RARB: variants seen among roughly 807,000 people sequenced by gnomAD.
RARB encodes retinoic acid receptor beta, also known as HBV-activated protein.
In RARB, 17 loss-of-function variants were observed where a neutral mutation model predicts 51.9. The observed-to-expected ratio is 0.33, with a 90% confidence interval of 0.22 to 0.49. RARB has a LOEUF of 0.49. Among genes scored for constraint, RARB ranks in the 20% least tolerant of loss-of-function variants. RARB has a pLI of 0.99. For synonymous variants in RARB, 215 were observed against 195.4 expected, an observed-to-expected ratio of 1.10 and a Z score of -0.84; for missense variants, 369 against 550.8, an observed-to-expected ratio of 0.67 and a Z score of 3.30.
chr3:25,352,650 T>C (rs1705610226), intron 5 of RARB, among the ~76,000 whole-genome samples: 1 of 152,226 alleles, frequency 6.6e-6, no homozygotes, highest in Admixed American at 6.5e-5. Context: ...TGCTCATTTT[T>C]CTCAAAATGG....
intron 2 of RARB, among the ~76,000 whole-genome samples, chr3:25,461,605 A>T (rs1425027122): frequency 1.3e-5 from 2 of 152,172 alleles, no homozygotes; most frequent in Non-Finnish European, 2.9e-5. Flanking sequence ...GATAATAAGA[A>T]CTGGCTAGGC....
chr3:25,421,758 T>C lies in RARB; in HGVS notation c.179-39435T>C, dbSNP rs185170502. On this transcript the variant is annotated intron_variant, in intron 5 of 11. Transcript: ENST00000383772. ...TACCTCATTTAATCTTTACCACAAC[T>C]CTTTGACGTAGGTACCATTAATATT... is the stretch of plus-strand genomic sequence containing the variant. Among the ~76,000 whole-genome samples, 3 of 152,244 alleles carry C rather than the reference T, an allele frequency of 2.0e-5. No homozygotes were observed. In the East Asian group the frequency reaches 5.8e-4, roughly 29 times the overall value.
intron 2 of RARB, among the ~76,000 whole-genome samples, chr3:24,946,715 A>G (rs1225432430): frequency 6.6e-6 from 1 of 152,068 alleles, no homozygotes; most frequent in Non-Finnish European, 1.5e-5. Context: ...CAAAAAATAG[A>G]TAAAACTTAG....
At chr3:25,298,042 G>A (rs535280577) in intron 5 of RARB, among the ~76,000 whole-genome samples, 1 of 152,120 alleles carries the variant, frequency 6.6e-6, no homozygotes, top group Non-Finnish European at 1.5e-5. Flanking sequence ...TGTAATATAG[G>A]ACAAAAGACA....
intron 2 of RARB, among the ~76,000 whole-genome samples, chr3:25,463,527 G>T (rs1204724632): frequency 1.3e-5 from 2 of 152,036 alleles, no homozygotes; most frequent in Non-Finnish European, 2.9e-5. Context: ...GCTGGGTGTG[G>T]TGGCGCTTGC....
At chr3:25,306,675 G>T (rs322690) in intron 5 of RARB, among the ~76,000 whole-genome samples, 1 of 152,230 alleles carries the variant, frequency 6.6e-6, no homozygotes, top group East Asian at 1.9e-4. Flanking sequence ...TATAGTTCAT[G>T]TGAAGTTCGC....
intron 5 of RARB, among the ~76,000 whole-genome samples, chr3:25,592,244 G>T (rs1166485567): frequency 6.6e-6 from 1 of 152,188 alleles, no homozygotes; most frequent in Non-Finnish European, 1.5e-5. Context: ...CTGCCCTCCT[G>T]TAGGTTGACA....
intron 2 of RARB, among the ~76,000 whole-genome samples, chr3:25,043,706 A>T (rs1698158305): frequency 6.6e-6 from 1 of 152,236 alleles, no homozygotes; most frequent in Admixed American, 6.5e-5. Flanking sequence ...ATTAAACATT[A>T]TAAGCAAAGG....
intron 5 of RARB, among the ~76,000 whole-genome samples, chr3:25,211,509 A>G (rs988573648): frequency 1.3e-5 from 2 of 152,256 alleles, no homozygotes; most frequent in African/African-American, 4.8e-5. Flanking sequence ...ATAAAGATCA[A>G]TAACACCAAA....
intron 3 of RARB, among the ~76,000 whole-genome samples, chr3:25,501,958 A>C (rs540615142): frequency 5.9e-5 from 9 of 152,376 alleles, no homozygotes; most frequent in Admixed American, 4.6e-4. Context: ...TTTAGTATAA[A>C]AAGAGTATGT....
chr3:25,386,142 G>A (rs972769351), intron 5 of RARB, among the ~76,000 whole-genome samples: 1 of 152,154 alleles, frequency 6.6e-6, no homozygotes, highest in African/African-American at 2.4e-5. Context: ...GACACAAACA[G>A]AGCTGTGGAA....
chr3:25,327,114 T>C (rs1704743203), intron 5 of RARB, among the ~76,000 whole-genome samples: 1 of 152,044 alleles, frequency 6.6e-6, no homozygotes, highest in Non-Finnish European at 1.5e-5. Flanking sequence ...ACAGGGATTA[T>C]AAAAGTAGGA....
At chr3:25,064,895 T>G (rs1445713163) in intron 3 of RARB, among the ~76,000 whole-genome samples, 1 of 152,112 alleles carries the variant, frequency 6.6e-6, no homozygotes, top group African/African-American at 2.4e-5. Flanking sequence ...TTCATTTAGT[T>G]GAACAGGAAG....
intron 3 of RARB, among the ~76,000 whole-genome samples, chr3:25,552,339 A>G (rs1699882680): frequency 6.6e-6 from 1 of 152,172 alleles, no homozygotes; most frequent in African/African-American, 2.4e-5. Context: ...CTTAAGATCT[A>G]GACAACCTTA....
At chr3:25,593,374 A>T in intron 5 of RARB, 129 bp from the exon 6 acceptor site, 1 of 824,064 alleles carries the variant, frequency 1.2e-6, no homozygotes, top group Non-Finnish European at 1.9e-6. Flanking sequence ...AAGACATTCA[A>T]CATGTGAAAG....
intron 3 of RARB, among the ~76,000 whole-genome samples, chr3:25,551,040 G>GT (rs1275721270): frequency 1.3e-5 from 2 of 152,172 alleles, no homozygotes; most frequent in African/African-American, 2.4e-5. Flanking sequence ...AGAACTGACT[G>GT]TTTTAAGGGG....
intron 5 of RARB, among the ~76,000 whole-genome samples, chr3:25,233,151 G>C (rs1200364081): frequency 6.6e-6 from 1 of 151,494 alleles, no homozygotes; most frequent in African/African-American, 2.4e-5. Context: ...AATTTAGACA[G>C]GGTTTCACCA....
At chr3:24,925,306 T>C (rs990233727) in intron 2 of RARB, among the ~76,000 whole-genome samples, 1 of 152,062 alleles carries the variant, frequency 6.6e-6, no homozygotes, top group East Asian at 1.9e-4. Flanking sequence ...CAACTAGATT[T>C]ACAGATTAAT....
chr3:25,088,259 G>GATACACC (rs1699136570), intron 3 of RARB, among the ~76,000 whole-genome samples: 1 of 152,048 alleles, frequency 6.6e-6, no homozygotes, highest in African/African-American at 2.4e-5. Flanking sequence ...CCAGCGACTT[G>GATACACC]ATACACCATG....
Sources: gnomAD v4.1 joint callset for allele counts (sites outside exome capture counted in the v4.1 genomes callset) on GRCh38, gnomAD v4.1.1 for gene constraint, MANE v1.5 for transcripts, NCBI Gene and HGNC (gene_info 2026-07-23, HGNC 2026-07-21) for gene names.